Variants in TTLL11 observed in about 807,000 individuals in gnomAD.
TTLL11 encodes tubulin tyrosine ligase like 11, also known as tubulin polyglutamylase TTLL11.
TTLL11 carries 42 observed loss-of-function variants against 51.7 expected under a neutral mutation model. The observed-to-expected ratio is 0.81, with a 90% CI of 0.64 to 1.05. The LOEUF is 1.05. TTLL11 is among the 50% of genes least tolerant of loss of function. The pLI is 0.00. For missense variants in TTLL11, 799 were observed against 940.4 expected, an observed-to-expected ratio of 0.85 and a Z score of 1.97; for synonymous variants, 381 against 383.5, an observed-to-expected ratio of 0.99 and a Z score of 0.08.
intron 6 of TTLL11, chr9:121,963,536 GTGAC>G (rs1419787983): frequency 6.6e-6 from 1 of 152,184 alleles, no homozygotes; most frequent in African/African-American, 2.4e-5. Flanking sequence ...CCCCGTAATG[GTGAC>G]TGACTGGCCA....
intron 3 of TTLL11, among the ~76,000 whole-genome samples, chr9:122,026,683 C>G (rs545035854): frequency 6.6e-6 from 1 of 152,078 alleles, no homozygotes; most frequent in African/African-American, 2.4e-5. Context: ...CTCAAAATAT[C>G]TCCTTACTAG....
chr9:122,061,052 C>A (rs1213886573), intron 1 of TTLL11, among the ~76,000 whole-genome samples: 2 of 152,186 alleles, frequency 1.3e-5, no homozygotes, highest in African/African-American at 4.8e-5. Flanking sequence ...CCATTCCATG[C>A]CTCTTCCTGG....
chr9:122,037,549 T>G (rs1170899675), intron 2 of TTLL11, among the ~76,000 whole-genome samples: 2 of 152,156 alleles, frequency 1.3e-5, no homozygotes, highest in Non-Finnish European at 2.9e-5. Context: ...GCTCTAGGCT[T>G]TTCTGAGTGC....
chr9:121,837,570 A>C (rs1837216352), intron 8 of TTLL11, among the ~76,000 whole-genome samples: 1 of 152,114 alleles, frequency 6.6e-6, no homozygotes, highest in African/African-American at 2.4e-5. Context: ...GGTCCTGATT[A>C]ATGCTCCCAG....
intron 3 of TTLL11, among the ~76,000 whole-genome samples, chr9:122,025,221 C>T (rs979787918): frequency 6.6e-6 from 1 of 152,026 alleles, no homozygotes; most frequent in African/African-American, 2.4e-5. Context: ...GGATGGCAAA[C>T]AAGCACATGA....
chr9:122,050,125 A>G (rs1446746341), intron 1 of TTLL11, among the ~76,000 whole-genome samples: 1 of 152,196 alleles, frequency 6.6e-6, no homozygotes, highest in Non-Finnish European at 1.5e-5. Context: ...CAGCTCAGCT[A>G]CAACTGAGAA....
intron 3 of TTLL11, among the ~76,000 whole-genome samples, chr9:121,998,347 C>T (rs978210553): frequency 1.4e-4 from 22 of 152,206 alleles, no homozygotes; most frequent in African/African-American, 5.3e-4. Flanking sequence ...AGTGCAATGG[C>T]GTGATCTCGG....
chr9:121,946,900 C>T (rs1841689716), intron 6 of TTLL11, among the ~76,000 whole-genome samples: 1 of 152,096 alleles, frequency 6.6e-6, no homozygotes, highest in African/African-American at 2.4e-5. Flanking sequence ...ACTCAGCCTA[C>T]CCCCATTCAT....
intron 6 of TTLL11, among the ~76,000 whole-genome samples, chr9:121,883,087 G>T (rs1031065993): frequency 5.9e-5 from 9 of 152,276 alleles, no homozygotes; most frequent in African/African-American, 1.9e-4. Context: ...AATGGGCAGG[G>T]TGACCTTTGG....
intron 6 of TTLL11, among the ~76,000 whole-genome samples, chr9:121,913,783 A>G (rs775342413): frequency 2.0e-5 from 3 of 152,190 alleles, no homozygotes; most frequent in Non-Finnish European, 4.4e-5. Context: ...CATCTCATGC[A>G]TTTCATTCTG....
At chr9:121,879,599 A>T (rs1470187388) in intron 6 of TTLL11, among the ~76,000 whole-genome samples, 2 of 152,228 alleles carry the variant, frequency 1.3e-5, no homozygotes, top group Non-Finnish European at 2.9e-5. Flanking sequence ...ACTTGAGGTG[A>T]GGCATCACAC....
chr9:121,896,713 C>G (rs1839539268), intron 6 of TTLL11, among the ~76,000 whole-genome samples: 1 of 152,114 alleles, frequency 6.6e-6, no homozygotes, highest in Non-Finnish European at 1.5e-5. Context: ...CAGACCCTGG[C>G]CCTGAGGCGG....
In TTLL11 at chr9:122,047,076, G is replaced by A. The variant is rs115117488; in HGVS notation, c.463-7708C>T. ...GGGGCTGTGGAAGGAATCCCAGAGA[G>A]CAACGAGGGCACAGGAAGACCTAGT... On this transcript the variant is annotated intron_variant, in intron 1 of 8. Transcript: ENST00000321582. Among the ~76,000 whole-genome samples the A allele has an allele frequency of 7.6e-3, 1,160 of 152,262 alleles. 16 individuals carry two copies. The highest frequency in any genetic ancestry group is 0.027 in the African/African-American group (1,110 of 41,558).
chr9:122,026,612 G>A (rs552103084), intron 3 of TTLL11, among the ~76,000 whole-genome samples: 7 of 151,906 alleles, frequency 4.6e-5, no homozygotes, highest in Non-Finnish European at 7.4e-5. Context: ...ATTCTATGTC[G>A]ATTATATCTC....
At chr9:121,957,834 C>G (rs1842068095) in intron 6 of TTLL11, among the ~76,000 whole-genome samples, 1 of 152,150 alleles carries the variant, frequency 6.6e-6, no homozygotes, top group Non-Finnish European at 1.5e-5. Flanking sequence ...GTGGACAGAG[C>G]TGAGATGTGT....
At chr9:122,043,786 A>C (rs970733705) in intron 1 of TTLL11, among the ~76,000 whole-genome samples, 7 of 152,164 alleles carry the variant, frequency 4.6e-5, no homozygotes, top group African/African-American at 1.7e-4. Flanking sequence ...AGAATGGCAG[A>C]AAATATGTGC....
intron 4 of TTLL11, among the ~76,000 whole-genome samples, chr9:121,979,781 A>T (rs1162812124): frequency 6.6e-6 from 1 of 152,180 alleles, no homozygotes; most frequent in African/African-American, 2.4e-5. Flanking sequence ...ATGAAGCCCA[A>T]GTCCCACAGC....
intron 6 of TTLL11, among the ~76,000 whole-genome samples, chr9:121,916,443 T>C (rs1432513802): frequency 1.3e-5 from 2 of 152,186 alleles, no homozygotes; most frequent in African/African-American, 2.4e-5. Context: ...CCTTTCAATC[T>C]ATAGACTTTA....
At chr9:121,970,413 A>G (rs1842517363) in intron 6 of TTLL11, among the ~76,000 whole-genome samples, 1 of 152,252 alleles carries the variant, frequency 6.6e-6, no homozygotes, top group African/African-American at 2.4e-5. Flanking sequence ...AATACAGTAG[A>G]ACGCTTCTAC....
Sources: gnomAD v4.1 joint callset for allele counts (sites outside exome capture counted in the v4.1 genomes callset) on GRCh38, gnomAD v4.1.1 for gene constraint, MANE v1.5 for transcripts, NCBI Gene and HGNC (gene_info 2026-07-23, HGNC 2026-07-21) for gene names.